Variants in UNC93A observed in about 807,000 individuals in gnomAD.
The protein encoded by UNC93A is N-acetylglucosamine transporter UNC93A.
A neutral mutation model predicts 47.5 loss-of-function variants in UNC93A; 43 were observed. That is an observed-to-expected ratio of 0.91 (90% CI 0.71 to 1.17). UNC93A has a LOEUF of 1.17. Among genes scored for constraint, UNC93A ranks in the 50% most tolerant of loss-of-function variants. UNC93A has a pLI of 0.00. For missense variants in UNC93A, 605 were observed against 577.6 expected (o/e 1.05, Z -0.49); for synonymous variants, 280 against 258.0 (o/e 1.09, Z -0.82).
At chr6:167,292,067 A>G (rs951181839) in intron 1 of UNC93A, among the ~76,000 whole-genome samples, 8 of 152,174 alleles carry the variant, frequency 5.3e-5, no homozygotes, top group African/African-American at 9.7e-5. Context: ...GCTCTCCTCC[A>G]TAGTTCCGTG....
chr6:167,270,779 T>G (rs1376556239), upstream of UNC93A, among the ~76,000 whole-genome samples: 1 of 152,096 alleles, frequency 6.6e-6, no homozygotes, highest in Admixed American at 6.5e-5. Flanking sequence ...AACGAGGGTT[T>G]CCCCGAACAC....
intron 7 of UNC93A, among the ~76,000 whole-genome samples, chr6:167,310,754 G>T (rs1460432675): frequency 1.3e-5 from 2 of 152,176 alleles, no homozygotes; most frequent in Admixed American, 6.5e-5. Flanking sequence ...GATGGCACAT[G>T]CCTGTAGTCT....
Position 167,291,390 on chromosome 6 carries a change from A to C in UNC93A, c.-100A>C. ...TAGCTCAGATGAGAGAGAGAATGGG[A>C]CTTCTTGGTACTGATTGTTTTTCCC... On this transcript the variant is annotated 5_prime_UTR_variant, in exon 1 of 8. Coordinates refer to ENST00000230256, the MANE Select transcript of UNC93A (RefSeq NM_018974.4). 1 of 946,308 alleles carries C rather than the reference A, an allele frequency of 1.1e-6. No homozygotes were observed. Among genetic ancestry groups the C allele is most frequent in the Non-Finnish European group, 1.6e-6 (1 of 621,142 alleles). The allele number at this position is 946,308 out of a possible 1,614,324, so 58.6% of individuals were successfully genotyped here.
At chr6:167,290,700 C>T (rs1042216339), upstream of UNC93A, among the ~76,000 whole-genome samples, 23 of 152,094 alleles carry the variant, frequency 1.5e-4, no homozygotes, top group East Asian at 5.8e-4. Flanking sequence ...TCACATGTGG[C>T]GAGTGGCTAC....
At chr6:167,277,321 C>T (rs111818920) in intron 1 of UNC93A, among the ~76,000 whole-genome samples, 15 of 152,346 alleles carry the variant, frequency 9.8e-5, no homozygotes, top group East Asian at 3.9e-4. Flanking sequence ...CCTGCCTTGG[C>T]GACCTACCCT....
chr6:167,292,934 G>C (rs1783874363), intron 1 of UNC93A, among the ~76,000 whole-genome samples: 2 of 152,212 alleles, frequency 1.3e-5, no homozygotes, highest in South Asian at 2.1e-4. Context: ...CCTGGGGTCA[G>C]CATTCCTAGG....
chr6:167,303,768 C>T (rs1278661351), intron 4 of UNC93A, 151 bp from the exon 5 acceptor site: 5 of 699,128 alleles, frequency 7.2e-6, no homozygotes, highest in South Asian at 3.7e-5. Flanking sequence ...CACCTGAGAT[C>T]CTTAAGCATG....
intron 1 of UNC93A, among the ~76,000 whole-genome samples, chr6:167,275,737 C>G (rs1485412004): frequency 6.6e-6 from 1 of 152,262 alleles, no homozygotes; most frequent in East Asian, 1.9e-4. Context: ...GGTCCACACC[C>G]TGCTTTCATC....
At chr6:167,314,335 C>T (rs1778632858) in intron 7 of UNC93A, among the ~76,000 whole-genome samples, 1 of 152,160 alleles carries the variant, frequency 6.6e-6, no homozygotes, top group Non-Finnish European at 1.5e-5. Flanking sequence ...TCCTGGGGAA[C>T]CACATGCTTC....
chr6:167,274,840 G>A (rs552862751), intron 1 of UNC93A, among the ~76,000 whole-genome samples: 5 of 149,162 alleles, frequency 3.4e-5, no homozygotes, highest in Non-Finnish European at 6.0e-5. Flanking sequence ...CTATGCAGTC[G>A]ACTTCTGCAA....
chr6:167,311,945 G>A (rs1349833889), intron 7 of UNC93A, among the ~76,000 whole-genome samples: 1 of 151,610 alleles, frequency 6.6e-6, no homozygotes, highest in African/African-American at 2.4e-5. Flanking sequence ...GTTAGTGGGG[G>A]GACAGCCTTT....
chr6:167,288,530 T>C (rs1041678872), upstream of UNC93A, among the ~76,000 whole-genome samples: 2 of 151,894 alleles, frequency 1.3e-5, no homozygotes, highest in African/African-American at 2.4e-5. Context: ...TTCCCTAAAG[T>C]AGCCAAGAAC....
At chr6:167,280,249 C>A (rs932441393) in intron 1 of UNC93A, among the ~76,000 whole-genome samples, 2 of 152,150 alleles carry the variant, frequency 1.3e-5, no homozygotes, top group African/African-American at 4.8e-5. Flanking sequence ...CTGCAGGCTC[C>A]CCGTGAGCTC....
intron 4 of UNC93A, among the ~76,000 whole-genome samples, chr6:167,301,105 C>T (rs1778228719): frequency 6.6e-6 from 1 of 152,252 alleles, no homozygotes; most frequent in East Asian, 1.9e-4. Flanking sequence ...GGCCCGCAGG[C>T]CATAGTTTGC....
chr6:167,282,131 C>G (rs1415337390), intron 1 of UNC93A, among the ~76,000 whole-genome samples: 1 of 152,184 alleles, frequency 6.6e-6, no homozygotes, highest in Non-Finnish European at 1.5e-5. Context: ...TTATCGTAGA[C>G]TTTCCTGGGA....
At chr6:167,278,408 C>T (rs1045911152) in intron 1 of UNC93A, among the ~76,000 whole-genome samples, 61 of 152,276 alleles carry the variant, frequency 4.0e-4, no homozygotes, top group Admixed American at 1.7e-3. Flanking sequence ...CAAAGCTGCA[C>T]GGTGGGTGCA....
intron 2 of UNC93A, 130 bp downstream of exon 2, chr6:167,294,828 C>T (rs1428561177): frequency 2.0e-6 from 2 of 978,540 alleles, no homozygotes; most frequent in South Asian, 1.7e-5. Flanking sequence ...AGCTCTCCTG[C>T]CCCTGCACCC....
At chr6:167,294,496 G>A in intron 1 of UNC93A, 21 bp from the exon 2 acceptor site, 1 of 1,613,270 alleles carries the variant, frequency 6.2e-7, no homozygotes, top group East Asian at 2.2e-5. Context: ...TGCTCTGACA[G>A]GGCTGGCTTT....
At chr6:167,292,657 G>T (rs898307014) in intron 1 of UNC93A, among the ~76,000 whole-genome samples, 4 of 152,154 alleles carry the variant, frequency 2.6e-5, no homozygotes, top group Non-Finnish European at 5.9e-5. Context: ...TGCCGCAATG[G>T]TTCATTACTT....
Sources: allele counts gnomAD v4.1 joint callset (sites outside exome capture counted in the v4.1 genomes callset), GRCh38; gene constraint gnomAD v4.1.1; transcripts MANE v1.5; gene names NCBI Gene and HGNC (gene_info 2026-07-23, HGNC 2026-07-21).